USP15: variants seen among roughly 807,000 people sequenced by gnomAD.
The protein encoded by USP15 is ubiquitin carboxyl-terminal hydrolase 15.
Under a neutral mutation model 127.1 loss-of-function variants are expected in USP15, and 18 were observed. The ratio of observed to expected loss-of-function variants is 0.14; its 90% CI spans 0.10 to 0.21. USP15 has a LOEUF of 0.21. USP15 is among the 10% of genes least tolerant of loss of function. The probability of loss-of-function intolerance (pLI) is 1.00; values close to 1 mark genes in which losing one functional copy is unlikely to be tolerated. For synonymous variants in USP15, 364 were observed against 393.7 expected (o/e 0.92, Z 0.89); for missense variants, 805 against 1,159.9 (o/e 0.69, Z 4.44).
chr12:62,328,770 A>C (rs2065203750), intron 6 of USP15, among the ~76,000 whole-genome samples: 1 of 152,212 alleles, frequency 6.6e-6, no homozygotes, highest in Non-Finnish European at 1.5e-5. Flanking sequence ...CCTACAAGGT[A>C]AATGAGAGTT....
chr12:62,336,143 TATC>T, intron 6 of USP15: 1 of 985,408 alleles, frequency 1.0e-6, no homozygotes. Context: ...AGACCTCTTT[TATC>T]ATACCATAGT....
At chr12:62,402,183 A>G (rs1443817678) in intron 21 of USP15, among the ~76,000 whole-genome samples, 8 of 151,810 alleles carry the variant, frequency 5.3e-5, no homozygotes, top group Non-Finnish European at 1.2e-4. Context: ...TACAAATTTG[A>G]GGTTGCCATG....
intron 1 of USP15, among the ~76,000 whole-genome samples, chr12:62,278,014 A>G (rs755377478): frequency 6.6e-6 from 1 of 152,216 alleles, no homozygotes; most frequent in Non-Finnish European, 1.5e-5. Context: ...TAAAACACCA[A>G]TACATTATAC....
intron 20 of USP15, 149 bp downstream of exon 20, chr12:62,396,547 TTTTGAACC>T (rs2137645325): frequency 1.5e-6 from 1 of 669,898 alleles, no homozygotes; most frequent in Non-Finnish European, 2.5e-6. Context: ...ATGAGTCAGC[TTTTGAACC>T]TTTTTTTTTT....
chr12:62,390,659 C>T (rs1029766112), intron 14 of USP15, among the ~76,000 whole-genome samples: 2 of 151,962 alleles, frequency 1.3e-5, no homozygotes, highest in Admixed American at 1.3e-4. Flanking sequence ...TAAAAGGTAA[C>T]ATATTAATTA....
chr12:62,352,666 A>G (rs1025410044), intron 7 of USP15, among the ~76,000 whole-genome samples: 11 of 151,986 alleles, frequency 7.2e-5, no homozygotes, highest in Admixed American at 5.9e-4. Context: ...AGAGCTAGCC[A>G]TCTGGCTCTT....
chr12:62,290,725 T>TA (rs1351693347), intron 1 of USP15, among the ~76,000 whole-genome samples: 1 of 152,216 alleles, frequency 6.6e-6, no homozygotes, highest in Non-Finnish European at 1.5e-5. Context: ...TTTACTTTCT[T>TA]ACATTTTTAT....
intron 1 of USP15, among the ~76,000 whole-genome samples, chr12:62,285,073 CTTAAT>C (rs1306983452): frequency 1.3e-5 from 2 of 152,010 alleles, no homozygotes; most frequent in Non-Finnish European, 2.9e-5. Context: ...GGTAAAGAAG[CTTAAT>C]TAAGGTTTTA....
chr12:62,385,687 T>C (rs2067126627), intron 11 of USP15, among the ~76,000 whole-genome samples: 1 of 152,016 alleles, frequency 6.6e-6, no homozygotes, highest in Non-Finnish European at 1.5e-5. Context: ...TTTAAAGTTA[T>C]ATCCTTTAGA....
At chr12:62,355,236 T>C in intron 7 of USP15, 95 bp from the exon 8 acceptor site, 1 of 1,104,214 alleles carries the variant, frequency 9.1e-7, no homozygotes, top group Admixed American at 3.0e-5. Flanking sequence ...AATGTAATGA[T>C]CAACCACATA....
chr12:62,396,204 A>G, intron 19 of USP15, 91 bp from the exon 20 acceptor site: 2 of 794,496 alleles, frequency 2.5e-6, no homozygotes, highest in Non-Finnish European at 3.9e-6. Context: ...ATAGATATAT[A>G]TATGTATGTC....
At chr12:62,313,739 C>A (rs1043203500) in intron 3 of USP15, among the ~76,000 whole-genome samples, 1 of 151,606 alleles carries the variant, frequency 6.6e-6, no homozygotes, top group Admixed American at 6.6e-5. Context: ...CAGGCTGCTA[C>A]CTGTTTAAAA....
At position 62,411,156 on chromosome 12, in the gene USP15, G is replaced by A. The variant is rs992775542; in HGVS notation, c.*6781G>A. Reference sequence around the variant, plus strand: ...GGAAAAGGACCCTAGAGATCCTTGAGGAATCCCACTTTACAGATGTAGAAG... The same window carrying A: ...GGAAAAGGACCCTAGAGATCCTTGAAGAATCCCACTTTACAGATGTAGAAG... On this transcript the variant is annotated 3_prime_UTR_variant, in exon 22 of 22. Coordinates refer to ENST00000280377, the MANE Select transcript of USP15 (RefSeq NM_001252078.2). 2.0e-5 allele frequency: 3 copies of A among 152,184 alleles called. No individual in the cohort carries two copies. Among genetic ancestry groups the A allele is most frequent in the Non-Finnish European group, 4.4e-5 (3 of 68,038 alleles). 9.4% of individuals were successfully genotyped at this position (152,184 alleles called of 1,614,324 possible).
At chr12:62,300,426 T>C (rs1339838546) in intron 2 of USP15, among the ~76,000 whole-genome samples, 1 of 152,158 alleles carries the variant, frequency 6.6e-6, no homozygotes, top group African/African-American at 2.4e-5. Context: ...CAAAAATTCA[T>C]GTGGAAATTC....
chr12:62,344,386 A>G (rs1333044468), intron 6 of USP15, among the ~76,000 whole-genome samples: 1 of 152,176 alleles, frequency 6.6e-6, no homozygotes. Flanking sequence ...CATGTCTTGC[A>G]TCTGGGTCAC....
chr12:62,360,814 T>C (rs1016040176), intron 8 of USP15, among the ~76,000 whole-genome samples: 1 of 152,114 alleles, frequency 6.6e-6, no homozygotes, highest in Non-Finnish European at 1.5e-5. Context: ...AGGTCAGGTT[T>C]TCATCCTAAT....
rs970354740 is a variant in USP15, at chr12:62,314,845, A to G, written c.404A>G (p.Glu135Gly). 3 of 1,598,414 alleles carry G rather than the reference A, an allele frequency of 1.9e-6. No individual in the cohort carries two copies. Among genetic ancestry groups the G allele is most frequent in the Non-Finnish European group, 2.6e-6 (3 of 1,172,416 alleles). Residue 135 changes from glutamate to glycine, a missense_variant, in exon 4 of 22, where the codon GAA becomes GGA. Transcript: ENST00000280377. ...TGCAAAGTAGAAGTATATCTCACAG[A>G]ATTGAAGCTATGTGAAAATGGAAAC... ...KHCKVEVYLT[E>G]LKLCENGNMN... is the part of the protein sequence containing the mutation.
In USP15 at chr12:62,325,922, T is replaced by C. The variant is rs1472301595; in HGVS notation, c.672T>C (p.Pro224=). 6.2e-7 allele frequency: 1 copy of C among 1,609,690 alleles called. No individual in the cohort carries two copies. The highest frequency in any genetic ancestry group is 8.5e-7 in the Non-Finnish European group (1 of 1,177,518). Residue 224 remains proline, a synonymous_variant, in exon 6 of 22, where the codon CCT becomes CCC. Coordinates refer to ENST00000280377, the MANE Select transcript of USP15 (RefSeq NM_001252078.2). ...AAGATGGAACATGGCCAAGGGGTCC[T>C]TCTACTCCTAAGTAAGTGCTCCCAC... ...KNEDGTWPRG[P]STPKSPGASN...
chr12:62,346,514 A>G (rs573387980), intron 6 of USP15, among the ~76,000 whole-genome samples: 1 of 152,296 alleles, frequency 6.6e-6, no homozygotes, highest in Non-Finnish European at 1.5e-5. Context: ...GACCCCCAGG[A>G]TCCATGGACT....
Sources: gnomAD v4.1 joint callset for allele counts (sites outside exome capture counted in the v4.1 genomes callset) on GRCh38, gnomAD v4.1.1 for gene constraint, MANE v1.5 for transcripts, NCBI Gene and HGNC (gene_info 2026-07-23, HGNC 2026-07-21) for gene names.